AGBL4: variants seen among roughly 807,000 people sequenced by gnomAD.
The protein encoded by AGBL4 is AGBL carboxypeptidase 4.
AGBL4 carries 58 observed loss-of-function variants against 66.4 expected under a neutral mutation model. That is an observed-to-expected ratio of 0.87 (90% CI 0.71 to 1.09). The LOEUF is 1.09. Ranked by LOEUF, AGBL4 falls within the 50% of genes least tolerant of loss-of-function variation. The probability of loss-of-function intolerance (pLI) is 0.00; values close to 1 mark genes in which losing one functional copy is unlikely to be tolerated. For synonymous variants in AGBL4, 234 were observed against 222.9 expected, an observed-to-expected ratio of 1.05 and a Z score of -0.44; for missense variants, 579 against 631.0, an observed-to-expected ratio of 0.92 and a Z score of 0.88.
intron 5 of AGBL4, among the ~76,000 whole-genome samples, chr1:48,981,056 T>C (rs960029559): frequency 6.6e-6 from 1 of 152,060 alleles, no homozygotes; most frequent in East Asian, 1.9e-4. Flanking sequence ...CTAGTACAAA[T>C]GCTGTGAATG....
chr1:48,591,729 C>T (rs992746695), intron 9 of AGBL4, among the ~76,000 whole-genome samples: 1 of 152,176 alleles, frequency 6.6e-6, no homozygotes, highest in Non-Finnish European at 1.5e-5. Flanking sequence ...GTCTACCCCA[C>T]AACAGCATAT....
chr1:49,311,583 G>T (rs1644942831), intron 3 of AGBL4, among the ~76,000 whole-genome samples: 1 of 151,850 alleles, frequency 6.6e-6, no homozygotes, highest in African/African-American at 2.4e-5. Flanking sequence ...CATAAATAAA[G>T]TTATCCAAAC....
chr1:48,896,176 C>G (rs1651488299), intron 5 of AGBL4, among the ~76,000 whole-genome samples: 1 of 152,104 alleles, frequency 6.6e-6, no homozygotes, highest in Non-Finnish European at 1.5e-5. Context: ...TAGGTACTCC[C>G]CCTCTAAATC....
Position 49,711,987 on chromosome 1 carries a change from A to G in AGBL4, c.158-14550T>C, listed in dbSNP as rs1480625578. Among the ~76,000 whole-genome samples the G allele has an allele frequency of 4.6e-5, 7 of 152,092 alleles. No homozygotes were observed. The East Asian group carries it at 1.4e-3, about 29-fold the overall frequency. On this transcript the variant is annotated intron_variant, in intron 2 of 13. Transcript: ENST00000371839. ...CATTTTTATGTGCCTCAATTTACTG[A>G]CTATAATGGGATGATAGTACTTTTT...
intron 4 of AGBL4, among the ~76,000 whole-genome samples, chr1:49,231,761 T>C (rs1047217363): frequency 6.6e-6 from 1 of 152,198 alleles, no homozygotes; most frequent in African/African-American, 2.4e-5. Context: ...GAGTATTTGA[T>C]TTTGTGATGA....
rs182287486 is a variant in AGBL4 at position 49,549,686 on chromosome 1, G to A, written c.282+147627C>T. ...AATTTTCTTAATTTTATTAAGGCTCGTTTTATGGCCTATAATATGGTCTAT... is the reference window on the plus strand; with the variant it reads ...AATTTTCTTAATTTTATTAAGGCTCATTTTATGGCCTATAATATGGTCTAT... On this transcript the variant is annotated intron_variant, in intron 3 of 13. Transcript: ENST00000371839. 5.1e-4 allele frequency among the ~76,000 whole-genome samples: 77 copies of A among 152,068 alleles called. 1 individual carries two copies. In the South Asian group the frequency reaches 1.0e-2, roughly 20 times the overall value.
At chr1:49,629,563 A>C (rs538488670) in intron 3 of AGBL4, among the ~76,000 whole-genome samples, 217 of 152,316 alleles carry the variant, frequency 1.4e-3, no homozygotes, top group Non-Finnish European at 2.5e-3. Flanking sequence ...ACTGTGAGCC[A>C]GACTCCATTT....
At chr1:49,306,827 A>C (rs1644856002) in intron 3 of AGBL4, among the ~76,000 whole-genome samples, 1 of 152,174 alleles carries the variant, frequency 6.6e-6, no homozygotes, top group Non-Finnish European at 1.5e-5. Context: ...TGCTTTGAGA[A>C]CATGTTGTCT....
intron 3 of AGBL4, among the ~76,000 whole-genome samples, chr1:49,452,676 T>G (rs1646304166): frequency 1.3e-5 from 2 of 151,968 alleles, no homozygotes; most frequent in Non-Finnish European, 2.9e-5. Flanking sequence ...TGTTGTTACT[T>G]CATTCTTATG....
intron 3 of AGBL4, among the ~76,000 whole-genome samples, chr1:49,689,426 T>A (rs1646845410): frequency 6.6e-6 from 1 of 152,170 alleles, no homozygotes; most frequent in Non-Finnish European, 1.5e-5. Flanking sequence ...TGTTCCTTGG[T>A]CTATGTGTCT....
At chr1:49,488,682 C>T (rs554665088) in intron 3 of AGBL4, among the ~76,000 whole-genome samples, 1 of 151,922 alleles carries the variant, frequency 6.6e-6, no homozygotes, top group African/African-American at 2.4e-5. Flanking sequence ...ACTGTCCCCA[C>T]ATCCCACCCC....
intron 8 of AGBL4, among the ~76,000 whole-genome samples, chr1:48,635,895 T>G (rs1645660940): frequency 6.6e-6 from 1 of 152,240 alleles, no homozygotes; most frequent in Non-Finnish European, 1.5e-5. Context: ...AAGGAGTCCC[T>G]TCTTCATTTG....
chr1:49,340,921 T>A (rs529394487), intron 3 of AGBL4, among the ~76,000 whole-genome samples: 2 of 152,312 alleles, frequency 1.3e-5, no homozygotes, highest in East Asian at 3.9e-4. Flanking sequence ...TTAAAGATAG[T>A]AATATAGATT....
chr1:48,777,635 T>A (rs1301606315), intron 6 of AGBL4, among the ~76,000 whole-genome samples: 1 of 152,104 alleles, frequency 6.6e-6, no homozygotes, highest in Non-Finnish European at 1.5e-5. Context: ...AGATTTCCAG[T>A]TGTGCCAGCT....
At chr1:49,272,146 T>C (rs1288828844) in intron 3 of AGBL4, among the ~76,000 whole-genome samples, 1 of 152,212 alleles carries the variant, frequency 6.6e-6, no homozygotes, top group African/African-American at 2.4e-5. Flanking sequence ...GAAAACTGTC[T>C]TTATAACGGA....
At position 48,533,924 on chromosome 1, in the gene AGBL4, T is replaced by C. The variant is rs1228011921; in HGVS notation, c.*249A>G. 5.8e-6 allele frequency: 3 copies of C among 518,728 alleles called. No homozygotes were observed. The highest frequency in any genetic ancestry group is 1.0e-5 in the Non-Finnish European group (3 of 289,226). The allele number at this position is 518,728 out of a possible 1,614,324, so 32.1% of individuals were successfully genotyped here. A position where few individuals can be genotyped will look rare whatever the true frequency, so the allele number is the denominator to read the frequency against. ...TGGAAGATCTCTATGTTGTAGAAAA[T>C]AGCATCTGTGCTCACCTGGTTCCGA... is the stretch of plus-strand genomic sequence containing the variant. On this transcript the variant is annotated 3_prime_UTR_variant, in exon 14 of 14. Coordinates refer to ENST00000371839, the MANE Select transcript of AGBL4 (RefSeq NM_032785.4).
chr1:49,027,408 C>G (rs1260431630), intron 5 of AGBL4, among the ~76,000 whole-genome samples: 3 of 152,218 alleles, frequency 2.0e-5, no homozygotes, highest in Middle Eastern at 3.4e-3. Flanking sequence ...GGTGATCCAC[C>G]TGCCTCAGCC....
chr1:49,602,404 G>A (rs913002647), intron 3 of AGBL4, among the ~76,000 whole-genome samples: 1 of 152,078 alleles, frequency 6.6e-6, no homozygotes, highest in Non-Finnish European at 1.5e-5. Context: ...CATGTTTATT[G>A]TGGCACTGTT....
At chr1:49,959,834 T>C (rs573251517) in intron 1 of AGBL4, among the ~76,000 whole-genome samples, 1 of 152,170 alleles carries the variant, frequency 6.6e-6, no homozygotes, top group South Asian at 2.1e-4. Context: ...ATATAAACCA[T>C]GAAATACTAT....
Sources: allele counts gnomAD v4.1 joint callset (sites outside exome capture counted in the v4.1 genomes callset), GRCh38; gene constraint gnomAD v4.1.1; transcripts MANE v1.5; gene names NCBI Gene and HGNC (gene_info 2026-07-23, HGNC 2026-07-21).